Variants in CCDC91 observed in about 807,000 individuals in gnomAD.
CCDC91 encodes coiled-coil domain-containing protein 91.
CCDC91 carries 48 observed loss-of-function variants against 63.2 expected under a neutral mutation model. The ratio of observed to expected loss-of-function variants is 0.76; its 90% CI spans 0.60 to 0.97. CCDC91 has a LOEUF of 0.97. CCDC91 is among the 50% of genes least tolerant of loss of function. CCDC91 has a pLI of 0.00. For synonymous variants in CCDC91, 167 were observed against 165.8 expected (o/e 1.01, Z -0.06); for missense variants, 500 against 494.6 (o/e 1.01, Z -0.10).
At chr12:28,360,110 C>G (rs935289607) in intron 6 of CCDC91, among the ~76,000 whole-genome samples, 13 of 152,066 alleles carry the variant, frequency 8.5e-5, no homozygotes, top group African/African-American at 2.9e-4. Context: ...ATTTATAATC[C>G]TACTAACAAA....
chr12:28,513,545 C>CA (rs1221916535), intron 12 of CCDC91, among the ~76,000 whole-genome samples: 1 of 151,628 alleles, frequency 6.6e-6, no homozygotes, highest in South Asian at 2.1e-4. Context: ...ATTCCAAAAT[C>CA]AAAAAAATCC....
At chr12:28,331,561 A>G (rs1380423262) in intron 6 of CCDC91, among the ~76,000 whole-genome samples, 1 of 152,220 alleles carries the variant, frequency 6.6e-6, no homozygotes, top group Non-Finnish European at 1.5e-5. Flanking sequence ...TTATGGGACA[A>G]TAGTCATAAC....
chr12:28,514,928 T>C (rs1461228647), intron 12 of CCDC91, among the ~76,000 whole-genome samples: 2 of 151,788 alleles, frequency 1.3e-5, no homozygotes, highest in African/African-American at 4.8e-5. Context: ...CTAGGTTTAA[T>C]ACCTGGGTGA....
In CCDC91 at chr12:28,389,422, A is replaced by G. The variant is rs552185292; in HGVS notation, c.655-1882A>G. Among the ~76,000 whole-genome samples, 28 of 152,290 alleles carry G rather than the reference A, an allele frequency of 1.8e-4. No homozygotes were observed. The South Asian group carries it at 5.8e-3, about 32-fold the overall frequency. On this transcript the variant is annotated intron_variant, in intron 7 of 12. Coordinates refer to ENST00000536442, the MANE Select transcript of CCDC91 (RefSeq NM_018318.5). ...TATATAAGAGGCCAGTTACTCTTGC[A>G]TAACTTTCCTTTATGCTCCCTTATC...
At chr12:28,422,861 T>C (rs1217106240) in intron 8 of CCDC91, among the ~76,000 whole-genome samples, 2 of 152,230 alleles carry the variant, frequency 1.3e-5, no homozygotes, top group South Asian at 2.1e-4. Flanking sequence ...TACTCATTGG[T>C]TGGGAAAAAT....
chr12:28,431,689 G>A (rs763347619), intron 8 of CCDC91, among the ~76,000 whole-genome samples: 2 of 151,810 alleles, frequency 1.3e-5, no homozygotes, highest in Non-Finnish European at 2.9e-5. Context: ...TGACCTCTCT[G>A]CCATTGTGAA....
intron 3 of CCDC91, among the ~76,000 whole-genome samples, chr12:28,303,894 A>C (rs1221843623): frequency 6.6e-6 from 1 of 152,106 alleles, no homozygotes; most frequent in Admixed American, 6.6e-5. Context: ...TGCCTTTAAA[A>C]ATTCATTAGT....
chr12:28,470,160 G>A (rs1950743012), intron 11 of CCDC91, among the ~76,000 whole-genome samples: 1 of 152,076 alleles, frequency 6.6e-6, no homozygotes, highest in African/African-American at 2.4e-5. Context: ...CACAGAATGA[G>A]AGAAAATATT....
rs1943206627 is a variant in CCDC91 at position 28,549,597 on chromosome 12, C to T, written c.*424C>T. The T allele has an allele frequency of 6.6e-6, 1 of 152,412 alleles. No homozygotes were observed. Among genetic ancestry groups the T allele is most frequent in the Non-Finnish European group, 1.5e-5 (1 of 68,280 alleles). 9.4% of individuals were successfully genotyped at this position (152,412 alleles called of 1,614,324 possible). On this transcript the variant is annotated 3_prime_UTR_variant, in exon 13 of 13. Transcript: ENST00000536442. ...TATCTTATTTTGAGGATAGAAATAGCATGGATTTCAACATCACTTATTTAT... is the reference window on the plus strand; with the variant it reads ...TATCTTATTTTGAGGATAGAAATAGTATGGATTTCAACATCACTTATTTAT...
chr12:28,425,728 G>C (rs1214962917), intron 8 of CCDC91, among the ~76,000 whole-genome samples: 3 of 152,142 alleles, frequency 2.0e-5, no homozygotes, highest in Admixed American at 1.3e-4. Context: ...TTAAGCAGTG[G>C]TTCTCAAAGT....
intron 6 of CCDC91, among the ~76,000 whole-genome samples, chr12:28,347,353 T>A (rs1360706373): frequency 1.3e-5 from 2 of 152,212 alleles, no homozygotes; most frequent in Admixed American, 1.3e-4. Flanking sequence ...AATAACCCAC[T>A]TATTCATTTC....
intron 3 of CCDC91, among the ~76,000 whole-genome samples, chr12:28,264,020 C>T (rs1466196884): frequency 2.7e-5 from 4 of 150,448 alleles, no homozygotes; most frequent in Admixed American, 2.7e-4. Context: ...AATTAACTTT[C>T]CTGGTCATTC....
chr12:28,394,737 T>TCTCTCTCTC (rs1216042442), intron 8 of CCDC91, among the ~76,000 whole-genome samples: 11 of 151,780 alleles, frequency 7.2e-5, no homozygotes, highest in South Asian at 2.1e-4. Flanking sequence ...TCTCTCCCCC[T>TCTCTCTCTC]TTTTCAGATT....
At chr12:28,328,421 C>A (rs764882879) in intron 6 of CCDC91, among the ~76,000 whole-genome samples, 5 of 151,952 alleles carry the variant, frequency 3.3e-5, no homozygotes, top group Middle Eastern at 3.4e-3. Flanking sequence ...AATATTGAGG[C>A]CAAGAAAAAA....
intron 8 of CCDC91, chr12:28,412,868 T>C (rs1264729918): frequency 4.5e-6 from 2 of 442,872 alleles, no homozygotes; most frequent in Admixed American, 4.8e-5. Flanking sequence ...GACAGGAAAG[T>C]TCCCCAACTC....
At chr12:28,520,672 C>T (rs1349525019) in intron 12 of CCDC91, among the ~76,000 whole-genome samples, 2 of 152,156 alleles carry the variant, frequency 1.3e-5, no homozygotes, top group African/African-American at 4.8e-5. Flanking sequence ...ATGCTATTGT[C>T]TAGATTTTCT....
intron 7 of CCDC91, among the ~76,000 whole-genome samples, chr12:28,390,165 GACTT>G (rs1945845161): frequency 6.6e-6 from 1 of 152,088 alleles, no homozygotes; most frequent in African/African-American, 2.4e-5. Flanking sequence ...GAAAATTTGA[GACTT>G]ATTTAGAAGT....
chr12:28,292,738 A>G (rs1386512242), intron 3 of CCDC91, among the ~76,000 whole-genome samples: 1 of 152,184 alleles, frequency 6.6e-6, no homozygotes, highest in Non-Finnish European at 1.5e-5. Flanking sequence ...TGTAGTATAT[A>G]AATTGTCAGG....
At chr12:28,240,900 G>A (rs1163623468) in intron 1 of CCDC91, among the ~76,000 whole-genome samples, 2 of 152,234 alleles carry the variant, frequency 1.3e-5, no homozygotes, top group Non-Finnish European at 2.9e-5. Flanking sequence ...ACAATTGCTT[G>A]CCCTTATAGG....
Sources: gnomAD v4.1 joint callset for allele counts (sites outside exome capture counted in the v4.1 genomes callset) on GRCh38, gnomAD v4.1.1 for gene constraint, MANE v1.5 for transcripts, NCBI Gene and HGNC (gene_info 2026-07-23, HGNC 2026-07-21) for gene names.